Variants in VWC2 observed in about 807,000 individuals in gnomAD.
VWC2 encodes the protein von Willebrand factor C domain containing 2.
Under a neutral mutation model 29.8 loss-of-function variants are expected in VWC2, and 14 were observed. That is an observed-to-expected ratio of 0.47 (90% confidence interval 0.31 to 0.74). The LOEUF (loss-of-function observed/expected upper bound fraction) is 0.74. VWC2 is among the 30% of genes least tolerant of loss of function. The probability of loss-of-function intolerance (pLI) is 0.05; values close to 1 mark genes in which losing one functional copy is unlikely to be tolerated. For missense variants in VWC2, 457 were observed against 459.8 expected (o/e 0.99, Z 0.05); for synonymous variants, 213 against 199.0 (o/e 1.07, Z -0.59).
At chr7:49,872,359 A>G (rs1791194021) in intron 3 of VWC2, among the ~76,000 whole-genome samples, 1 of 152,168 alleles carries the variant, frequency 6.6e-6, no homozygotes, top group Admixed American at 6.5e-5. Context: ...GCCGGGAACA[A>G]TGACAGAAAT....
intron 3 of VWC2, among the ~76,000 whole-genome samples, chr7:49,858,312 C>T (rs1790507151): frequency 6.6e-6 from 1 of 151,924 alleles, no homozygotes; most frequent in East Asian, 1.9e-4. Context: ...ACCCAAATGT[C>T]CAACAATGAT....
In VWC2 at chr7:49,921,431, T is replaced by G. The variant is rs1386168865; in HGVS notation, c.*9246T>G. The G allele has an allele frequency of 6.6e-6, 1 of 152,240 alleles. No homozygotes were observed. The highest frequency in any genetic ancestry group is 1.5e-5 in the Non-Finnish European group (1 of 68,050). 9.4% of individuals were successfully genotyped at this position (152,240 alleles called of 1,614,324 possible). ...CGTTTGCAATTTATTTGCTTTAATGTAACTTGGCAGTAAAGACTTTGGCCT... is the reference window on the plus strand; with the variant it reads ...CGTTTGCAATTTATTTGCTTTAATGGAACTTGGCAGTAAAGACTTTGGCCT... On this transcript the variant is annotated 3_prime_UTR_variant, in exon 4 of 4. Coordinates refer to ENST00000340652, the MANE Select transcript of VWC2 (RefSeq NM_198570.5).
chr7:49,791,184 G>A (rs1034808863), intron 2 of VWC2, among the ~76,000 whole-genome samples: 1 of 152,178 alleles, frequency 6.6e-6, no homozygotes, highest in Admixed American at 6.5e-5. Flanking sequence ...TGTATAAATG[G>A]AAGGGACTTC....
intron 3 of VWC2, among the ~76,000 whole-genome samples, chr7:49,832,232 G>T (rs900331541): frequency 3.3e-5 from 5 of 152,146 alleles, no homozygotes; most frequent in Non-Finnish European, 7.4e-5. Context: ...GGATACAAAA[G>T]AGTGGGATAT....
chr7:49,895,852 T>G (rs538457917), intron 3 of VWC2, among the ~76,000 whole-genome samples: 10 of 152,312 alleles, frequency 6.6e-5, no homozygotes, highest in African/African-American at 2.2e-4. Flanking sequence ...AATAATGAAG[T>G]TAAATGTATG....
At chr7:49,906,237 C>T (rs2128739578) in intron 3 of VWC2, among the ~76,000 whole-genome samples, 1 of 152,122 alleles carries the variant, frequency 6.6e-6, no homozygotes, top group African/African-American at 2.4e-5. Flanking sequence ...ATCAGGACCC[C>T]TTTCTAGTAA....
At chr7:49,846,367 T>C (rs1251389119) in intron 3 of VWC2, among the ~76,000 whole-genome samples, 1 of 152,224 alleles carries the variant, frequency 6.6e-6, no homozygotes, top group Admixed American at 6.5e-5. Flanking sequence ...TTAACAGCTG[T>C]CCACTGTTGC....
In VWC2 at chr7:49,802,814, A is replaced by C. The variant is rs1418742648; in HGVS notation, c.800A>C (p.Asp267Ala). The change falls in exon 3 of 4, where the codon GAT becomes GCT. Residue 267 changes from aspartate (D) to alanine (A), a missense_variant. Physicochemically the swap from Asp to Ala is moderately radical, Grantham distance 126. This residue lies in a region of VWC2 where 185 missense variants were observed against 257.1 expected (regional missense o/e 0.72). Coordinates refer to ENST00000340652, the MANE Select transcript of VWC2 (RefSeq NM_198570.5). Reference sequence around the variant, plus strand: ...TGTGTGGACCCTGTGTACGAGCCTGATCAGTGCTGTCCCATCTGCAAAAAT... The same window carrying C: ...TGTGTGGACCCTGTGTACGAGCCTGCTCAGTGCTGTCCCATCTGCAAAAAT... ...TECVDPVYEP[D>A]QCCPICKNGP... 2 of 1,614,060 alleles carry C rather than the reference A, an allele frequency of 1.2e-6. No individual in the cohort carries two copies. The highest frequency in any genetic ancestry group is 1.7e-5 in the Admixed American group (1 of 60,004).
At chr7:49,905,751 C>T (rs963506279) in intron 3 of VWC2, among the ~76,000 whole-genome samples, 7 of 152,224 alleles carry the variant, frequency 4.6e-5, no homozygotes, top group Admixed American at 3.3e-4. Context: ...TTCTAAGTCA[C>T]GAGATAGGAT....
At position 49,920,587 on chromosome 7, in the gene VWC2, T is replaced by A. The variant is rs1003499139; in HGVS notation, c.*8402T>A. 11 of 152,216 alleles carry A rather than the reference T, an allele frequency of 7.2e-5. No homozygotes were observed. The highest frequency in any genetic ancestry group is 2.4e-4 in the African/African-American group (10 of 41,466). The allele number at this position is 152,216 out of a possible 1,614,324, so 9.4% of individuals were successfully genotyped here. ...AGGATGTAAGGGAACAGAGAGAGAC[T>A]CTGCTTGGCCGAGTTTGCTATTCTC... On this transcript the variant is annotated 3_prime_UTR_variant, in exon 4 of 4. Transcript: ENST00000340652.
At position 49,858,551 on chromosome 7, in the gene VWC2, G is replaced by C. The variant is rs138756055; in HGVS notation, c.827-53483G>C. On this transcript the variant is annotated intron_variant, in intron 3 of 3. Coordinates refer to ENST00000340652, the MANE Select transcript of VWC2 (RefSeq NM_198570.5). ...AGGGGAACATCACACACTGGGGCCT[G>C]TTGTGGGGTGGGGGAGGGGGGAGGG... 7.0e-3 allele frequency among the ~76,000 whole-genome samples: 937 copies of C among 134,364 alleles called. 6 individuals carry two copies. Among genetic ancestry groups the C allele is most frequent in the African/African-American group, 0.025 (881 of 35,688 alleles). 88.1% of individuals were successfully genotyped at this position (134,364 alleles called of 152,430 possible).
chr7:49,781,987 C>T (rs1788187939), intron 2 of VWC2, among the ~76,000 whole-genome samples: 1 of 152,090 alleles, frequency 6.6e-6, no homozygotes, highest in Admixed American at 6.5e-5. Flanking sequence ...ATTATCAGAC[C>T]CATGTGGGGC....
chr7:49,834,031 T>C (rs1489194061), intron 3 of VWC2, among the ~76,000 whole-genome samples: 1 of 152,142 alleles, frequency 6.6e-6, no homozygotes, highest in African/African-American at 2.4e-5. Flanking sequence ...CATCCAGAAG[T>C]CATAAAGTTG....
At chr7:49,882,095 G>C (rs1012712754) in intron 3 of VWC2, among the ~76,000 whole-genome samples, 36 of 152,186 alleles carry the variant, frequency 2.4e-4, no homozygotes, top group African/African-American at 8.7e-4. Flanking sequence ...AACAAAAAAT[G>C]ATGTATAAAC....
intron 3 of VWC2, among the ~76,000 whole-genome samples, chr7:49,862,404 A>T (rs982256100): frequency 6.6e-6 from 1 of 152,190 alleles, no homozygotes; most frequent in Admixed American, 6.5e-5. Context: ...ACAGGATCAT[A>T]CTAACCGTGA....
chr7:49,839,088 T>C (rs1305853465), intron 3 of VWC2, among the ~76,000 whole-genome samples: 3 of 152,100 alleles, frequency 2.0e-5, no homozygotes, highest in African/African-American at 7.2e-5. Flanking sequence ...GTCTTTTTTG[T>C]GATGTGAGGA....
intron 3 of VWC2, among the ~76,000 whole-genome samples, chr7:49,840,011 G>A (rs1405973171): frequency 6.6e-6 from 1 of 152,178 alleles, no homozygotes; most frequent in Non-Finnish European, 1.5e-5. Context: ...CAGGAAATGG[G>A]TGCTGGGACG....
chr7:49,881,278 C>A (rs1311048324), intron 3 of VWC2, among the ~76,000 whole-genome samples: 1 of 152,158 alleles, frequency 6.6e-6, no homozygotes, highest in Non-Finnish European at 1.5e-5. Flanking sequence ...TTTCATCAAC[C>A]AGCTAAATCT....
chr7:49,885,748 C>T (rs967667473), intron 3 of VWC2, among the ~76,000 whole-genome samples: 19 of 152,184 alleles, frequency 1.2e-4, no homozygotes, highest in African/African-American at 4.3e-4. Context: ...ATTTTAGATG[C>T]GGTTAAAGTA....
Sources: gnomAD v4.1 joint callset for allele counts (sites outside exome capture counted in the v4.1 genomes callset) on GRCh38, gnomAD v4.1.1 for gene constraint, gnomAD v4.1.1 regional missense constraint, MANE v1.5 for transcripts, NCBI Gene and HGNC (gene_info 2026-07-23, HGNC 2026-07-21) for gene names.